NAV3: variants seen among roughly 807,000 people sequenced by gnomAD.
The protein encoded by NAV3 is neuron navigator 3.
NAV3 carries 87 observed loss-of-function variants against 244.7 expected under a neutral mutation model. That is an observed-to-expected ratio of 0.36 (90% CI 0.30 to 0.42). The LOEUF is 0.42. Among genes scored for constraint, NAV3 ranks in the 20% least tolerant of loss-of-function variants. The pLI is 1.00. For missense variants in NAV3, 2,663 were observed against 2,893.3 expected, an observed-to-expected ratio of 0.92 and a Z score of 1.83; for synonymous variants, 1,126 against 1,042.2, an observed-to-expected ratio of 1.08 and a Z score of -1.55.
chr12:77,781,581 C>T (rs1113600), intron 2 of NAV3, among the ~76,000 whole-genome samples: 21 of 152,262 alleles, frequency 1.4e-4, no homozygotes, highest in African/African-American at 4.6e-4. Flanking sequence ...TGACAAATGT[C>T]TCATGTCTCC....
At chr12:77,777,413 G>A (rs1429482754) in intron 2 of NAV3, among the ~76,000 whole-genome samples, 1 of 152,168 alleles carries the variant, frequency 6.6e-6, no homozygotes, top group Non-Finnish European at 1.5e-5. Flanking sequence ...TAGGCATTGT[G>A]ACATGTTAGG....
intron 12 of NAV3, among the ~76,000 whole-genome samples, chr12:78,098,057 A>G (rs1378016586): frequency 6.6e-6 from 1 of 152,142 alleles, no homozygotes; most frequent in Non-Finnish European, 1.5e-5. Context: ...TCAAAAGTGA[A>G]GATTACACAT....
intron 2 of NAV3, among the ~76,000 whole-genome samples, chr12:77,781,010 C>T (rs1364479068): frequency 3.9e-5 from 6 of 152,148 alleles, no homozygotes; most frequent in Non-Finnish European, 5.9e-5. Flanking sequence ...TATTAGTTTT[C>T]TGTGCTGCAT....
In NAV3 at chr12:78,119,237, G is replaced by T. The variant is rs2138597842; in HGVS notation, c.3041G>T (p.Gly1014Val). The change falls in exon 15 of 40, where the codon GGG becomes GTG. Residue 1014 changes from glycine (G) to valine (V), a missense_variant and splice_region_variant. Coordinates refer to ENST00000397909, the MANE Select transcript of NAV3 (RefSeq NM_001024383.2). ...TATTTGTGTATTTCTCCTTAATTAG[G>T]GAAAACCGATGATGCCAAAGCTTCT... ...KAGTSALKTP[G>V]KTDDAKASEK... 6.2e-7 allele frequency: 1 copy of T among 1,607,420 alleles called. No homozygotes were observed. Among genetic ancestry groups the T allele is most frequent in the Non-Finnish European group, 8.5e-7 (1 of 1,177,652 alleles).
rs1959524629 is a variant in NAV3 at position 78,200,404 on chromosome 12, G to A, written c.6716-69G>A. The A allele has an allele frequency of 8.1e-6, 7 of 860,560 alleles. No homozygotes were observed. In the East Asian group the frequency reaches 2.1e-4, roughly 26 times the overall value. The allele number at this position is 860,560 out of a possible 1,614,324, so 53.3% of individuals were successfully genotyped here. ...CAAGAAATATATTATATTCCAAAAT[G>A]GTGTCTAGATATGTGTTTAGATTAT... On this transcript the variant is annotated intron_variant, in intron 37 of 39. Transcript: ENST00000397909.
At chr12:77,679,686 T>A (rs1874365862) in intron 2 of NAV3, among the ~76,000 whole-genome samples, 1 of 152,034 alleles carries the variant, frequency 6.6e-6, no homozygotes, top group African/African-American at 2.4e-5. Context: ...AAGAAGAGAA[T>A]GAACTCTGAG....
chr12:78,031,203 A>G (rs1878922712), intron 9 of NAV3, among the ~76,000 whole-genome samples: 1 of 152,162 alleles, frequency 6.6e-6, no homozygotes, highest in African/African-American at 2.4e-5. Flanking sequence ...TAGTGTCTAG[A>G]AAGGGGTTTA....
intron 2 of NAV3, among the ~76,000 whole-genome samples, chr12:77,822,579 A>G (rs922529499): frequency 2.0e-5 from 3 of 152,062 alleles, no homozygotes; most frequent in African/African-American, 4.8e-5. Flanking sequence ...CCAGGTCTGG[A>G]GAATAGTTTT....
chr12:78,185,711 T>C lies in NAV3; in HGVS notation c.5790+13T>C, dbSNP rs773636514. The C allele has an allele frequency of 6.9e-6, 11 of 1,593,816 alleles. 1 individual carries two copies. The South Asian group carries it at 1.2e-4, about 18-fold the overall frequency. ...TGGTCGAGCAAAGGTACTTCTTTAA[T>C]CTTAAACTCTTTATTACTAACAATG... is the stretch of plus-strand genomic sequence containing the variant. On this transcript the variant is annotated intron_variant, in intron 31 of 39. Coordinates refer to ENST00000397909, the MANE Select transcript of NAV3 (RefSeq NM_001024383.2).
At chr12:78,201,643 T>C (rs1161236184) in intron 38 of NAV3, among the ~76,000 whole-genome samples, 1 of 152,136 alleles carries the variant, frequency 6.6e-6, no homozygotes, top group African/African-American at 2.4e-5. Flanking sequence ...TCCTTAAGTT[T>C]GATTTGAAAT....
intron 1 of NAV3, among the ~76,000 whole-genome samples, chr12:77,883,934 A>G (rs1486930514): frequency 6.6e-6 from 1 of 152,148 alleles, no homozygotes; most frequent in Non-Finnish European, 1.5e-5. Flanking sequence ...CATGAAATGA[A>G]CTGTATTTGG....
chr12:77,937,054 CTT>C (rs961656268), intron 1 of NAV3, among the ~76,000 whole-genome samples: 3 of 152,138 alleles, frequency 2.0e-5, no homozygotes, highest in African/African-American at 4.8e-5. Flanking sequence ...TTTTCCCTCT[CTT>C]GTCATTTCCT....
At chr12:77,727,263 A>C (rs990478410) in intron 2 of NAV3, among the ~76,000 whole-genome samples, 11 of 151,936 alleles carry the variant, frequency 7.2e-5, no homozygotes, top group Non-Finnish European at 5.9e-5. Context: ...GGTCATAAAC[A>C]TGGAGGTTCC....
chr12:78,076,921 A>C (rs1258310922), intron 12 of NAV3, among the ~76,000 whole-genome samples: 1 of 152,174 alleles, frequency 6.6e-6, no homozygotes. Flanking sequence ...GCAAAGTATA[A>C]TACTAGGATA....
chr12:77,880,909 A>G (rs1882553703), intron 1 of NAV3, among the ~76,000 whole-genome samples: 1 of 152,142 alleles, frequency 6.6e-6, no homozygotes, highest in Non-Finnish European at 1.5e-5. Context: ...TTCTTAGAAC[A>G]TAGCCCCATC....
At position 77,660,194 on chromosome 12, in the gene NAV3, T is replaced by C. The variant is rs186700787; in HGVS notation, c.72+87928T>C. On this transcript the variant is annotated intron_variant, in intron 2 of 8. Transcript: ENST00000550042. ...AAATTAATGTATCAGAAATTACTTA[T>C]AGTGGGTGGAGAAAAGTTTAACTGA... Among the ~76,000 whole-genome samples the C allele has an allele frequency of 3.0e-3, 455 of 152,306 alleles. 12 individuals are homozygous for C. The highest frequency in any genetic ancestry group is 0.028 in the Admixed American group (421 of 15,290).
intron 1 of NAV3, among the ~76,000 whole-genome samples, chr12:77,931,867 A>AAAT (rs1019090967): frequency 6.6e-6 from 1 of 151,244 alleles, no homozygotes; most frequent in African/African-American, 2.4e-5. Flanking sequence ...ACTCCATCTC[A>AAAT]AATAATAATA....
intron 2 of NAV3, among the ~76,000 whole-genome samples, chr12:77,592,271 C>A (rs1869941559): frequency 6.6e-6 from 1 of 152,130 alleles, no homozygotes. Context: ...GAGGGCTTTG[C>A]TAAGGCTGCC....
chr12:77,616,223 G>A (rs1253772221), intron 2 of NAV3, among the ~76,000 whole-genome samples: 2 of 151,796 alleles, frequency 1.3e-5, no homozygotes, highest in Non-Finnish European at 2.9e-5. Context: ...ACTGGCCAAC[G>A]TGGTGAAACC....
Sources: allele counts gnomAD v4.1 joint callset (sites outside exome capture counted in the v4.1 genomes callset), GRCh38; gene constraint gnomAD v4.1.1; transcripts MANE v1.5; gene names NCBI Gene and HGNC (gene_info 2026-07-23, HGNC 2026-07-21).